FDFT1: variants seen among roughly 807,000 people sequenced by gnomAD.
The protein encoded by FDFT1 is squalene synthase.
Under a neutral mutation model 46.8 loss-of-function variants are expected in FDFT1, and 68 were observed. That is an observed-to-expected ratio of 1.45 (90% CI 1.19 to 1.78). The LOEUF (loss-of-function observed/expected upper bound fraction) is 1.78. Ranked by LOEUF, FDFT1 falls within the 40% of genes most tolerant of loss-of-function variation. FDFT1 has a pLI of 0.00. For synonymous variants in FDFT1, 351 were observed against 185.1 expected (o/e 1.90, Z -7.28); for missense variants, 928 against 524.4 (o/e 1.77, Z -7.52).
chr8:11,834,500 G>C (rs1251554539), intron 7 of FDFT1, among the ~76,000 whole-genome samples: 1 of 152,168 alleles, frequency 6.6e-6, no homozygotes, highest in Non-Finnish European at 1.5e-5. Context: ...GGCTCTTTGA[G>C]CCCCAGGTGC....
chr8:11,803,186 C>G (rs1806360922), intron 1 of FDFT1: 1 of 1,410,160 alleles, frequency 7.1e-7, no homozygotes, highest in African/African-American at 1.4e-5. Context: ...GGTGGTTGCG[C>G]TCCCCGTTTC....
chr8:11,820,194 G>C (rs1271879153), intron 3 of FDFT1, among the ~76,000 whole-genome samples: 1 of 151,860 alleles, frequency 6.6e-6, no homozygotes, highest in Non-Finnish European at 1.5e-5. Flanking sequence ...CAAATATCGC[G>C]GCCTGATCCT....
chr8:11,809,175 G>A (rs901294767), intron 2 of FDFT1: 3 of 1,262,406 alleles, frequency 2.4e-6, no homozygotes, highest in Non-Finnish European at 3.0e-6. Context: ...TGAGCAGGTC[G>A]TGTATTTCTC....
intron 1 of FDFT1, 154 bp from the exon 2 acceptor site, chr8:11,808,640 T>A: frequency 5.0e-6 from 7 of 1,399,042 alleles, no homozygotes; most frequent in Non-Finnish European, 6.5e-6. Context: ...GCTGCTTGCC[T>A]CCTGCCGCCT....
intron 1 of FDFT1, among the ~76,000 whole-genome samples, chr8:11,796,898 G>A (rs536538477): frequency 2.6e-5 from 4 of 152,376 alleles, no homozygotes; most frequent in East Asian, 3.9e-4. Context: ...TGACAGCTCC[G>A]TGACTTTTCC....
chr8:11,820,103 A>AGCTGCAGGTCTGTTGGAGTT (rs1809012377), intron 3 of FDFT1, among the ~76,000 whole-genome samples: 1 of 152,140 alleles, frequency 6.6e-6, no homozygotes, highest in Non-Finnish European at 1.5e-5. Flanking sequence ...GAGGCCCGTC[A>AGCTGCAGGTCTGTTGGAGTT]GCTGCAGGTC....
intron 4 of FDFT1, among the ~76,000 whole-genome samples, chr8:11,822,333 T>G (rs535103007): frequency 6.6e-6 from 1 of 152,082 alleles, no homozygotes; most frequent in African/African-American, 2.4e-5. Flanking sequence ...TTTCATACCT[T>G]TAACTGTGCT....
At chr8:11,830,168 A>G (rs1446041798) in intron 5 of FDFT1, 76 bp from the exon 6 acceptor site, 18 of 1,207,060 alleles carry the variant, frequency 1.5e-5, no homozygotes, top group Middle Eastern at 2.2e-4. Flanking sequence ...CTTATGCACA[A>G]AGACCCTTTA....
chr8:11,802,762 C>A lies in FDFT1; in HGVS notation c.-71C>A. 1 of 1,254,862 alleles carries A rather than the reference C, an allele frequency of 8.0e-7. No homozygotes were observed. Among genetic ancestry groups the A allele is most frequent in the Non-Finnish European group, 1.1e-6 (1 of 875,082 alleles). 77.7% of individuals were successfully genotyped at this position (1,254,862 alleles called of 1,614,324 possible). On this transcript the variant is annotated 5_prime_UTR_variant, in exon 1 of 8. Transcript: ENST00000220584. ...CCTCGAAGCACCTACTCCACAGGTC[C>A]AGCCGGCCGGTGAGCGCCTGGGGAC...
At chr8:11,804,657 G>A (rs1358887901) in intron 1 of FDFT1, among the ~76,000 whole-genome samples, 1 of 139,990 alleles carries the variant, frequency 7.1e-6, no homozygotes, top group African/African-American at 2.7e-5. Context: ...AGGCTGGAGT[G>A]CAGTGGTGGC....
intron 1 of FDFT1, among the ~76,000 whole-genome samples, chr8:11,805,353 C>T (rs1332074528): frequency 6.6e-6 from 1 of 152,180 alleles, no homozygotes; most frequent in Admixed American, 6.5e-5. Context: ...AGGTGCATAT[C>T]AGTAAATCTA....
At chr8:11,796,858 G>C (rs1306505971) in intron 1 of FDFT1, among the ~76,000 whole-genome samples, 1 of 152,238 alleles carries the variant, frequency 6.6e-6, no homozygotes, top group Non-Finnish European at 1.5e-5. Context: ...TGGTAAGGTG[G>C]AAGAAAACAA....
intron 3 of FDFT1, among the ~76,000 whole-genome samples, chr8:11,817,822 ATTT>A (rs150361729): frequency 2.0e-5 from 3 of 148,880 alleles, no homozygotes; most frequent in African/African-American, 7.4e-5. Context: ...GGATTCATTA[ATTT>A]TTTTTTTTGA....
At chr8:11,809,080 C>A (rs1585879706) in intron 2 of FDFT1, 189 bp downstream of exon 2, 1 of 1,264,192 alleles carries the variant, frequency 7.9e-7, no homozygotes, top group Non-Finnish European at 1.0e-6. Context: ...CTAGTAGAGT[C>A]CCTGCGGGCC....
intron 4 of FDFT1, among the ~76,000 whole-genome samples, chr8:11,825,117 C>A (rs560599080): frequency 6.6e-6 from 1 of 152,234 alleles, no homozygotes; most frequent in African/African-American, 2.4e-5. Context: ...TGAGGGCCTG[C>A]GGATCTTGAC....
At chr8:11,818,629 C>G (rs1468734446) in intron 3 of FDFT1, among the ~76,000 whole-genome samples, 2 of 151,798 alleles carry the variant, frequency 1.3e-5, no homozygotes, top group Non-Finnish European at 2.9e-5. Context: ...CCTTCTTTGT[C>G]TCTTTTGATC....
rs1237528148 is a variant in FDFT1 at position 11,809,938 on chromosome 8, A to G, written c.381+88A>G. The G allele has an allele frequency of 1.0e-5, 10 of 987,862 alleles. No individual in the cohort carries two copies. In the East Asian group the frequency reaches 1.8e-4, roughly 18 times the overall value. 61.2% of individuals were successfully genotyped at this position (987,862 alleles called of 1,614,324 possible). The stretch of plus-strand genomic sequence containing the variant: ...CGGTAGCCTCCATACATGTGGAGAA[A>G]GGTTAAATAAGCATTCTGAGGGCAG... On this transcript the variant is annotated intron_variant, in intron 3 of 7. Transcript: ENST00000220584.
intron 7 of FDFT1, among the ~76,000 whole-genome samples, chr8:11,832,130 A>T (rs986233897): frequency 1.3e-5 from 2 of 152,218 alleles, no homozygotes; most frequent in African/African-American, 4.8e-5. Context: ...AATTTAGGCC[A>T]AGGAAAGCCA....
intron 3 of FDFT1, 136 bp downstream of exon 3, chr8:11,809,986 C>G: frequency 3.1e-6 from 2 of 654,744 alleles, no homozygotes; most frequent in Non-Finnish European, 5.0e-6. Context: ...GTTAAAAACT[C>G]CGGTAGCCAA....
Sources: gnomAD v4.1 joint callset for allele counts (sites outside exome capture counted in the v4.1 genomes callset) on GRCh38, gnomAD v4.1.1 for gene constraint, MANE v1.5 for transcripts, NCBI Gene and HGNC (gene_info 2026-07-23, HGNC 2026-07-21) for gene names.